Variants in MARK3 observed in about 807,000 individuals in gnomAD.
MARK3 encodes the protein MAP/microtubule affinity-regulating kinase 3.
MARK3 carries 46 observed loss-of-function variants against 90.1 expected under a neutral mutation model. That is an observed-to-expected ratio of 0.51 (90% CI 0.40 to 0.65). MARK3 has a LOEUF of 0.65. Ranked by LOEUF, MARK3 falls within the 30% of genes least tolerant of loss-of-function variation. The probability of loss-of-function intolerance (pLI) is 0.00; values close to 1 mark genes in which losing one functional copy is unlikely to be tolerated. For synonymous variants in MARK3, 321 were observed against 332.6 expected (o/e 0.97, Z 0.38); for missense variants, 818 against 947.2 (o/e 0.86, Z 1.79).
Position 103,503,172 on chromosome 14 carries a change from C to T in MARK3, c.2207C>T (p.Thr736Ile), listed in dbSNP as rs1462936818. Residue 736 changes from threonine to isoleucine, a missense_variant, in exon 18 of 18, where the codon ACA (threonine) becomes ATA (isoleucine). This residue lies in a region of MARK3 where 560 missense variants were observed against 613.5 expected (regional missense o/e 0.91). Coordinates refer to ENST00000429436, the MANE Select transcript of MARK3 (RefSeq NM_001128918.3). The stretch of plus-strand genomic sequence containing the variant: ...GTCCGGTTTAAGCGGATATCGGGGA[C>T]ATCCATAGCCTTCAAAAATATTGCT... ...NGVRFKRISG[T>I]SIAFKNIASK... is the part of the protein sequence containing the mutation. 6.2e-7 allele frequency: 1 copy of T among 1,613,600 alleles called. No homozygotes were observed. The highest frequency in any genetic ancestry group is 1.1e-5 in the South Asian group (1 of 91,046).
Position 103,451,358 on chromosome 14 carries a change from T to TC in MARK3, c.347-553dup, listed in dbSNP as rs528115958. Among the ~76,000 whole-genome samples the TC allele has an allele frequency of 2.2e-4, 33 of 152,134 alleles. No homozygotes were observed. The East Asian group carries it at 5.4e-3, about 25-fold the overall frequency. On this transcript the variant is annotated intron_variant, in intron 4 of 17. Transcript: ENST00000429436. ...TGAAAATGATTCTTATAAAAAAGAT[T>TC]CCCCCCCTCAATTAATTGCAGTATA... is the stretch of plus-strand genomic sequence containing the variant.
chr14:103,477,219 C>T (rs1402417265), intron 13 of MARK3, among the ~76,000 whole-genome samples: 8 of 152,166 alleles, frequency 5.3e-5, no homozygotes, highest in African/African-American at 1.4e-4. Context: ...TGGCCAGGCA[C>T]GGTGGCTCAC....
chr14:103,398,893 G>C (rs553674282), intron 1 of MARK3, among the ~76,000 whole-genome samples: 11 of 152,166 alleles, frequency 7.2e-5, no homozygotes, highest in Non-Finnish European at 1.6e-4. Flanking sequence ...TGTTAAGTAA[G>C]TGGCTTGTGA....
At chr14:103,392,495 T>G (rs2090321151) in intron 1 of MARK3, among the ~76,000 whole-genome samples, 1 of 152,096 alleles carries the variant, frequency 6.6e-6, no homozygotes, top group Admixed American at 6.6e-5. Context: ...GGACCACTCT[T>G]AAGAATCACT....
intron 2 of MARK3, among the ~76,000 whole-genome samples, chr14:103,426,790 G>A (rs1425810055): frequency 2.4e-4 from 37 of 152,006 alleles, no homozygotes; most frequent in Admixed American, 2.4e-3. Context: ...GCTGCTAGGT[G>A]ACCCTGCTGT....
At chr14:103,398,804 G>A (rs945562399) in intron 1 of MARK3, among the ~76,000 whole-genome samples, 3 of 152,212 alleles carry the variant, frequency 2.0e-5, no homozygotes, top group African/African-American at 4.8e-5. Flanking sequence ...ATACTTGGAG[G>A]ACAGCCATTT....
At chr14:103,440,951 AAAG>A (rs1439579065) in intron 3 of MARK3, among the ~76,000 whole-genome samples, 11 of 151,262 alleles carry the variant, frequency 7.3e-5, no homozygotes, top group South Asian at 2.1e-4. Flanking sequence ...AAAAAAAAGA[AAAG>A]AAAAGAAAAA....
chr14:103,399,606 A>G (rs1242269590), intron 1 of MARK3, among the ~76,000 whole-genome samples: 2 of 151,198 alleles, frequency 1.3e-5, no homozygotes, highest in Non-Finnish European at 2.9e-5. Context: ...GGCTGAGGCC[A>G]GAGAATGGCG....
chr14:103,423,472 CACTT>C (rs2092297702), intron 2 of MARK3, among the ~76,000 whole-genome samples: 1 of 152,142 alleles, frequency 6.6e-6, no homozygotes, highest in African/African-American at 2.4e-5. Context: ...GTGGCTTTCT[CACTT>C]AGTGAGCCCC....
At chr14:103,481,367 T>C (rs1038014115) in intron 14 of MARK3, among the ~76,000 whole-genome samples, 1 of 152,226 alleles carries the variant, frequency 6.6e-6, no homozygotes, top group East Asian at 1.9e-4. Flanking sequence ...GACATTTACT[T>C]TCTGCAGTTA....
chr14:103,440,916 A>G (rs2092834699), intron 3 of MARK3, among the ~76,000 whole-genome samples: 1 of 149,858 alleles, frequency 6.7e-6, no homozygotes, highest in Non-Finnish European at 1.5e-5. Flanking sequence ...AGCCAGGGTA[A>G]CAGAGCAGGA....
intron 10 of MARK3, 146 bp downstream of exon 10, chr14:103,466,588 C>T (rs1167191620): frequency 2.0e-5 from 11 of 554,662 alleles, no homozygotes; most frequent in South Asian, 6.3e-5. Context: ...TATTTAGGAA[C>T]GTAACTACCT....
chr14:103,458,150 CTTG>C (rs1396956062), intron 6 of MARK3, among the ~76,000 whole-genome samples: 1 of 152,308 alleles, frequency 6.6e-6, no homozygotes, highest in Middle Eastern at 3.4e-3. Context: ...ATTTAACTCT[CTTG>C]TTGTAGCTTA....
Position 103,385,758 on chromosome 14 carries a change from C to G in MARK3, c.-272C>G. 1 of 371,950 alleles carries G rather than the reference C, an allele frequency of 2.7e-6. No individual in the cohort carries two copies. Among genetic ancestry groups the G allele is most frequent in the Non-Finnish European group, 4.8e-6 (1 of 209,014 alleles). The allele number at this position is 371,950 out of a possible 1,614,324, so 23.0% of individuals were successfully genotyped here. A position where few individuals can be genotyped will look rare whatever the true frequency, so the allele number is the denominator to read the frequency against. On this transcript the variant is annotated 5_prime_UTR_variant, in exon 1 of 18. Coordinates refer to ENST00000429436, the MANE Select transcript of MARK3 (RefSeq NM_001128918.3). ...AAGGGGACGCCGGCGGGCCGAAGCG[C>G]AGCCCGCCGCCCGCAGGCTCGGCTC...
At chr14:103,460,449 T>C (rs2093379444) in intron 6 of MARK3, among the ~76,000 whole-genome samples, 2 of 152,196 alleles carry the variant, frequency 1.3e-5, no homozygotes, top group South Asian at 4.1e-4. Flanking sequence ...TGACGCTCTT[T>C]TATGTATGAT....
intron 3 of MARK3, among the ~76,000 whole-genome samples, chr14:103,438,455 T>G (rs2092769602): frequency 6.6e-6 from 1 of 152,240 alleles, no homozygotes; most frequent in African/African-American, 2.4e-5. Flanking sequence ...TAAGTTCCCT[T>G]GGAGCCAGTC....
chr14:103,406,465 G>T (rs1162941555), intron 2 of MARK3, among the ~76,000 whole-genome samples: 3 of 150,268 alleles, frequency 2.0e-5, no homozygotes, highest in Non-Finnish European at 4.4e-5. Flanking sequence ...TCAAACTCCT[G>T]ACCTCAGGTG....
chr14:103,428,085 A>AGC (rs2092468550), intron 2 of MARK3, among the ~76,000 whole-genome samples: 1 of 152,186 alleles, frequency 6.6e-6, no homozygotes, highest in Non-Finnish European at 1.5e-5. Context: ...TAAGAATTGT[A>AGC]GCGGGACAAA....
chr14:103,387,973 C>G (rs1307163356), intron 1 of MARK3, among the ~76,000 whole-genome samples: 1 of 152,144 alleles, frequency 6.6e-6, no homozygotes, highest in Admixed American at 6.5e-5. Flanking sequence ...GCTCTGTCTC[C>G]CAGGCTGGAG....
Sources: allele counts gnomAD v4.1 joint callset (sites outside exome capture counted in the v4.1 genomes callset), GRCh38; gene constraint gnomAD v4.1.1; regional missense constraint gnomAD v4.1.1; transcripts MANE v1.5; gene names NCBI Gene and HGNC (gene_info 2026-07-23, HGNC 2026-07-21).